Variants in SRCIN1 observed in about 807,000 individuals in gnomAD.
SRCIN1 encodes the protein SRC kinase signaling inhibitor 1.
A neutral mutation model predicts 116.2 loss-of-function variants in SRCIN1; 50 were observed. The observed-to-expected ratio is 0.43, with a 90% CI of 0.34 to 0.54. SRCIN1 has a LOEUF of 0.54. Among genes scored for constraint, SRCIN1 ranks in the 20% least tolerant of loss-of-function variants. The pLI is 0.02. For synonymous variants in SRCIN1, 736 were observed against 750.0 expected, an observed-to-expected ratio of 0.98 and a Z score of 0.30; for missense variants, 1,446 against 1,672.0, an observed-to-expected ratio of 0.86 and a Z score of 2.36.
chr17:38,579,051 G>C (rs896205188), intron 1 of SRCIN1, among the ~76,000 whole-genome samples: 1 of 152,230 alleles, frequency 6.6e-6, no homozygotes, highest in African/African-American at 2.4e-5. Flanking sequence ...CCGTGGGTTT[G>C]GAGCGATAAT....
intron 2 of SRCIN1, among the ~76,000 whole-genome samples, chr17:38,577,622 G>C (rs945912269): frequency 6.6e-6 from 1 of 152,184 alleles, no homozygotes; most frequent in African/African-American, 2.4e-5. Flanking sequence ...CTTCACCCAG[G>C]GGTACAATGG....
intron 2 of SRCIN1, among the ~76,000 whole-genome samples, chr17:38,575,690 C>A (rs1433351044): frequency 1.3e-5 from 2 of 152,138 alleles, no homozygotes; most frequent in African/African-American, 4.8e-5. Context: ...GCAGGAGAAG[C>A]CTCCCCCCAG....
chr17:38,552,257 G>T lies in SRCIN1; in HGVS notation c.2481-125C>A. ...GGATGCTGTGGGAGGGCCTGGGGAG[G>T]AGTGACTGCCCCTGGTATAAGAGGA... is the stretch of plus-strand genomic sequence containing the variant. On this transcript the variant is annotated intron_variant, in intron 13 of 18. Transcript: ENST00000617146. The surrounding 1 kb of genome is among the most constrained non-coding windows in gnomAD (Gnocchi z 5.3). 1 of 1,452,648 alleles carries T rather than the reference G, an allele frequency of 6.9e-7. No homozygotes were observed. Among genetic ancestry groups the T allele is most frequent in the Non-Finnish European group, 9.2e-7 (1 of 1,081,392 alleles). The allele number at this position is 1,452,648 out of a possible 1,614,324, so 90.0% of individuals were successfully genotyped here.
At chr17:38,569,309 G>A (rs924751873) in intron 2 of SRCIN1, among the ~76,000 whole-genome samples, 2 of 152,214 alleles carry the variant, frequency 1.3e-5, no homozygotes, top group South Asian at 2.1e-4. Context: ...CCTGCTGACC[G>A]GTGCCAGCCT....
chr17:38,594,174 T>C (rs1723277099), intron 1 of SRCIN1, among the ~76,000 whole-genome samples: 2 of 151,898 alleles, frequency 1.3e-5, no homozygotes, highest in South Asian at 4.2e-4. Context: ...GAAGCGGGGG[T>C]AACTCACGCG....
At chr17:38,543,674 G>T (rs1904890424) in intron 18 of SRCIN1, 149 bp downstream of exon 18, 3 of 1,156,730 alleles carry the variant, frequency 2.6e-6, no homozygotes, top group Non-Finnish European at 3.6e-6. Flanking sequence ...GGTTCAGGGG[G>T]TGGGTGGGGC....
At chr17:38,603,212 GGAGAGAGAGAGAAA>G (rs1909161893) in intron 1 of SRCIN1, among the ~76,000 whole-genome samples, 1 of 151,864 alleles carries the variant, frequency 6.6e-6, no homozygotes, top group African/African-American at 2.4e-5. Flanking sequence ...GGGGAGAGGG[GGAGAGAGAGAGAAA>G]GAGAGAGAGA....
intron 16 of SRCIN1, 30 bp downstream of exon 16, chr17:38,549,026 C>T: frequency 6.2e-7 from 1 of 1,611,936 alleles, no homozygotes; most frequent in Non-Finnish European, 8.5e-7. Flanking sequence ...ACTCAGTCCC[C>T]TGGCCCTCTG....
At chr17:38,540,960 C>T (rs1904698906) in intron 18 of SRCIN1, among the ~76,000 whole-genome samples, 1 of 152,148 alleles carries the variant, frequency 6.6e-6, no homozygotes, top group African/African-American at 2.4e-5. Context: ...CACAGGGAGG[C>T]TGGTGGCGGT....
Position 38,544,087 on chromosome 17 carries a change from C to G in SRCIN1, c.3271-118G>C. ...CCTCCTCAGTGGGGCCCTTTGAGAC[C>G]TGGAGACCCCTCTCTAGCTCCACAC... On this transcript the variant is annotated intron_variant, in intron 17 of 18. Coordinates refer to ENST00000617146, the MANE Select transcript of SRCIN1 (RefSeq NM_025248.3). This position sits in a 1 kb window ranked among gnomAD's most constrained non-coding sequence, Gnocchi z 4.5. The G allele has an allele frequency of 8.1e-7, 1 of 1,242,134 alleles. No individual in the cohort carries two copies. 76.9% of individuals were successfully genotyped at this position (1,242,134 alleles called of 1,614,324 possible). A position where few individuals can be genotyped will look rare whatever the true frequency, so the allele number is the denominator to read the frequency against.
chr17:38,588,317 A>C (rs899227384), intron 1 of SRCIN1, among the ~76,000 whole-genome samples: 1 of 152,216 alleles, frequency 6.6e-6, no homozygotes, highest in East Asian at 1.9e-4. Context: ...GGAGGGCAGC[A>C]TGTCACCCCC....
In SRCIN1 at chr17:38,541,509, G is replaced by GGGAAGC. The variant is rs1471260110; in HGVS notation, c.3417+2308_3417+2313dup. The GGGAAGC allele has an allele frequency of 2.6e-5, 4 of 152,558 alleles. No individual in the cohort carries two copies. The East Asian group carries it at 7.7e-4, about 30-fold the overall frequency. The allele number at this position is 152,558 out of a possible 1,614,324, so 9.5% of individuals were successfully genotyped here. ...CATTCGAGGAGCCTGGGGATGCCCGGGGAAGCGTGTGTGGGTGACTGGAGC... is the reference window on the plus strand; with the variant it reads ...CATTCGAGGAGCCTGGGGATGCCCGGGGAAGCGGAAGCGTGTGTGGGTGACTGGAGC... On this transcript the variant is annotated intron_variant, in intron 18 of 18. Coordinates refer to ENST00000617146, the MANE Select transcript of SRCIN1 (RefSeq NM_025248.3).
chr17:38,601,867 G>A (rs188211215), intron 1 of SRCIN1, among the ~76,000 whole-genome samples: 1 of 152,258 alleles, frequency 6.6e-6, no homozygotes, highest in East Asian at 1.9e-4. Flanking sequence ...CAGACAATGG[G>A]AGGGGTGGTC....
chr17:38,561,780 C>A lies in SRCIN1; in HGVS notation c.1383G>T (p.Leu461=). ...GGCGGAAGCCGTAGCCGTCGCCGTACAGCGGGCCGCCGCCGCCCGCCGCCT... is the reference window on the plus strand; with the variant it reads ...GGCGGAAGCCGTAGCCGTCGCCGTAAAGCGGGCCGCCGCCGCCCGCCGCCT... ...LYKAAGGGGP[L]YGDGYGFRLP... is the part of the protein sequence containing the mutation. The change falls in exon 7 of 19, where the codon CTG becomes CTT. Residue 461 remains leucine, a synonymous_variant. Coordinates refer to ENST00000617146, the MANE Select transcript of SRCIN1 (RefSeq NM_025248.3). 6.7e-7 allele frequency: 1 copy of A among 1,488,300 alleles called. No homozygotes were observed. The allele number at this position is 1,488,300 out of a possible 1,614,324, so 92.2% of individuals were successfully genotyped here. A position where few individuals can be genotyped will look rare whatever the true frequency, so the allele number is the denominator to read the frequency against.
At chr17:38,539,826 G>A (rs1404975063) in intron 18 of SRCIN1, among the ~76,000 whole-genome samples, 1 of 151,932 alleles carries the variant, frequency 6.6e-6, no homozygotes, top group Non-Finnish European at 1.5e-5. Flanking sequence ...TTCAAGACCA[G>A]CCTGGTCAAC....
chr17:38,561,725 C>A lies in SRCIN1; in HGVS notation c.1438G>T (p.Asp480Tyr). The change falls in exon 7 of 19, where the codon GAC (aspartate) becomes TAC (tyrosine). Residue 480 changes from aspartate to tyrosine, a missense_variant. Around this residue, in one of 5 missense-constraint regions of SRCIN1, gnomAD observed 398 missense variants for 385.6 expected, o/e 1.03. Coordinates refer to ENST00000617146, the MANE Select transcript of SRCIN1 (RefSeq NM_025248.3). ...LPPSSPQKLA[D>Y]VAAPPGGPPP... The stretch of plus-strand genomic sequence containing the variant: ...GGACCTCCGGGGGGTGCTGCCACGT[C>A]GGCCAGCTTCTGCGGTGACGAAGGC... The A allele has an allele frequency of 1.3e-6, 2 of 1,525,024 alleles. No individual in the cohort carries two copies. The highest frequency in any genetic ancestry group is 1.2e-5 in the South Asian group (1 of 83,150). The allele number at this position is 1,525,024 out of a possible 1,614,324, so 94.5% of individuals were successfully genotyped here. A position where few individuals can be genotyped will look rare whatever the true frequency, so the allele number is the denominator to read the frequency against.
At chr17:38,550,999 T>C (rs1331477979) in intron 15 of SRCIN1, among the ~76,000 whole-genome samples, 156 bp downstream of exon 15, 1 of 152,146 alleles carries the variant, frequency 6.6e-6, no homozygotes, top group Non-Finnish European at 1.5e-5. Context: ...TGGGTCCCAG[T>C]CTCCCTTTAG....
rs2040966936 is a variant in SRCIN1, at chr17:38,534,117, T to C, written c.3418-686A>G. Among the ~76,000 whole-genome samples the C allele has an allele frequency of 2.0e-5, 3 of 152,186 alleles. No individual in the cohort carries two copies. The South Asian group carries it at 6.2e-4, about 31-fold the overall frequency. The stretch of plus-strand genomic sequence containing the variant: ...GAGGCTACTCCCTCATGACTTGTCC[T>C]GCCCTCACTGGTCAGTTCTAGTGGT... On this transcript the variant is annotated intron_variant, in intron 18 of 18. Coordinates refer to ENST00000617146, the MANE Select transcript of SRCIN1 (RefSeq NM_025248.3).
intron 17 of SRCIN1, chr17:38,546,663 C>T: frequency 6.6e-6 from 1 of 152,670 alleles, no homozygotes; most frequent in Non-Finnish European, 1.5e-5. Flanking sequence ...GCATGGCCAG[C>T]CCAGGAGGCG....
Sources: allele counts gnomAD v4.1 joint callset (sites outside exome capture counted in the v4.1 genomes callset), GRCh38; gene constraint gnomAD v4.1.1; regional missense constraint gnomAD v4.1.1; non-coding constraint Gnocchi (gnomAD v3.1); transcripts MANE v1.5; gene names NCBI Gene and HGNC (gene_info 2026-07-23, HGNC 2026-07-21).